Variants in GLCCI1 observed in about 807,000 individuals in gnomAD.
GLCCI1 encodes glucocorticoid-induced transcript 1 protein.
A neutral mutation model predicts 52.2 loss-of-function variants in GLCCI1; 24 were observed. The ratio of observed to expected loss-of-function variants is 0.46; its 90% confidence interval spans 0.33 to 0.65. GLCCI1 has a LOEUF of 0.65. Among genes scored for constraint, GLCCI1 ranks in the 30% least tolerant of loss-of-function variants. The probability of loss-of-function intolerance (pLI) is 0.02; values close to 1 mark genes in which losing one functional copy is unlikely to be tolerated. For missense variants in GLCCI1, 704 were observed against 701.5 expected (o/e 1.00, Z -0.04); for synonymous variants, 310 against 276.5 (o/e 1.12, Z -1.20).
intron 1 of GLCCI1, among the ~76,000 whole-genome samples, chr7:7,976,507 A>G (rs1780474894): frequency 6.8e-6 from 1 of 146,090 alleles, no homozygotes; most frequent in East Asian, 2.0e-4. Context: ...AAGGAAAGGA[A>G]AAAGGAAAGG....
chr7:8,036,614 A>G (rs913982694), intron 3 of GLCCI1, among the ~76,000 whole-genome samples: 14 of 152,330 alleles, frequency 9.2e-5, no homozygotes, highest in East Asian at 3.9e-4. Flanking sequence ...CTAAAGTTCA[A>G]TGATACCCAA....
At chr7:7,992,594 G>T (rs927162360) in intron 1 of GLCCI1, among the ~76,000 whole-genome samples, 2 of 151,888 alleles carry the variant, frequency 1.3e-5, no homozygotes, top group African/African-American at 4.8e-5. Context: ...TGTCCTTTCC[G>T]TATGTCCTTT....
At chr7:7,976,997 A>G (rs1390313525) in intron 1 of GLCCI1, among the ~76,000 whole-genome samples, 2 of 152,150 alleles carry the variant, frequency 1.3e-5, no homozygotes, top group Non-Finnish European at 2.9e-5. Flanking sequence ...AACTGCTACA[A>G]CTTCCTGTCT....
chr7:8,062,446 C>T (rs1172453940), intron 5 of GLCCI1, among the ~76,000 whole-genome samples: 2 of 152,134 alleles, frequency 1.3e-5, no homozygotes, highest in South Asian at 2.1e-4. Context: ...TTTTGTTTAG[C>T]AGCATACTGT....
At chr7:8,079,121 TTAG>T (rs2127967850) in intron 6 of GLCCI1, among the ~76,000 whole-genome samples, 1 of 152,312 alleles carries the variant, frequency 6.6e-6, no homozygotes, top group South Asian at 2.1e-4. Context: ...TCCCTAAATG[TTAG>T]TAAAGTTTAC....
At chr7:8,074,901 C>G (rs1356665364) in intron 6 of GLCCI1, among the ~76,000 whole-genome samples, 2 of 151,998 alleles carry the variant, frequency 1.3e-5, no homozygotes, top group Non-Finnish European at 2.9e-5. Context: ...GAGATTTGTT[C>G]TGTGGTAGAG....
intron 5 of GLCCI1, among the ~76,000 whole-genome samples, chr7:8,063,546 T>C (rs924476814): frequency 6.6e-6 from 1 of 152,096 alleles, no homozygotes; most frequent in African/African-American, 2.4e-5. Context: ...TTTCATATGC[T>C]TGTTGGCCAC....
intron 3 of GLCCI1, among the ~76,000 whole-genome samples, chr7:8,050,327 G>A (rs1456197360): frequency 1.3e-5 from 2 of 152,104 alleles, no homozygotes; most frequent in Admixed American, 6.6e-5. Flanking sequence ...AGAAAAACAG[G>A]AAAACAACAG....
intron 3 of GLCCI1, among the ~76,000 whole-genome samples, chr7:8,042,465 G>A (rs1034366556): frequency 1.3e-5 from 2 of 152,172 alleles, no homozygotes; most frequent in African/African-American, 4.8e-5. Context: ...TTCAAGACTA[G>A]AGTGGAGGAA....
At chr7:7,974,786 G>T (rs1780428492) in intron 1 of GLCCI1, among the ~76,000 whole-genome samples, 2 of 152,098 alleles carry the variant, frequency 1.3e-5, no homozygotes. Flanking sequence ...TTTTAGTTTG[G>T]TCTTTTCTCC....
chr7:8,075,562 A>C (rs1782859648), intron 6 of GLCCI1, among the ~76,000 whole-genome samples: 1 of 152,218 alleles, frequency 6.6e-6, no homozygotes, highest in Non-Finnish European at 1.5e-5. Flanking sequence ...TTAGTTTCTT[A>C]AGCAGCTCTG....
intron 1 of GLCCI1, among the ~76,000 whole-genome samples, chr7:7,993,685 T>C (rs1189720175): frequency 6.6e-6 from 1 of 152,212 alleles, no homozygotes; most frequent in Non-Finnish European, 1.5e-5. Context: ...TTTTTTATGC[T>C]TTCTCCCAAC....
Position 7,969,173 on chromosome 7 carries a change from A to T in GLCCI1, c.-178A>T, listed in dbSNP as rs1780278728. ...GCAGCCTTCCCCTCCCCCCTCGCCG[A>T]GGCGGCGGGGGTGTGCGTTGGGGAG... is the stretch of plus-strand genomic sequence containing the variant. On this transcript the variant is annotated 5_prime_UTR_variant, in exon 1 of 8. Coordinates refer to ENST00000223145, the MANE Select transcript of GLCCI1 (RefSeq NM_138426.4). This position sits in a 1 kb window ranked among gnomAD's most constrained non-coding sequence, Gnocchi z 4.9. The T allele has an allele frequency of 2.0e-6, 1 of 506,718 alleles. No individual in the cohort carries two copies. The highest frequency in any genetic ancestry group is 2.7e-6 in the Non-Finnish European group (1 of 369,822). The allele number at this position is 506,718 out of a possible 1,614,324, so 31.4% of individuals were successfully genotyped here.
chr7:7,969,806 A>G lies in GLCCI1; in HGVS notation c.456A>G (p.Arg152=). The G allele has an allele frequency of 6.8e-7, 1 of 1,467,360 alleles. No individual in the cohort carries two copies. Among genetic ancestry groups the G allele is most frequent in the Non-Finnish European group, 9.0e-7 (1 of 1,111,164 alleles). 90.9% of individuals were successfully genotyped at this position (1,467,360 alleles called of 1,614,324 possible). A position where few individuals can be genotyped will look rare whatever the true frequency, so the allele number is the denominator to read the frequency against. The change falls in exon 1 of 8, where the codon AGA becomes AGG. Residue 152 remains arginine (R), a splice_region_variant and synonymous_variant. Coordinates refer to ENST00000223145, the MANE Select transcript of GLCCI1 (RefSeq NM_138426.4). This position sits in a 1 kb window ranked among gnomAD's most constrained non-coding sequence, Gnocchi z 4.9. ...ERRSPGSPVC[R]ADKAKSQQVR... ...GGAGCCCCGGCTCGCCCGTGTGCAGAGGTAGCGAGCCCAACCCTCCCGTCC... is the reference window on the plus strand; with the variant it reads ...GGAGCCCCGGCTCGCCCGTGTGCAGGGGTAGCGAGCCCAACCCTCCCGTCC...
intron 5 of GLCCI1, among the ~76,000 whole-genome samples, chr7:8,062,881 T>G (rs1273301738): frequency 6.6e-6 from 1 of 152,220 alleles, no homozygotes; most frequent in Non-Finnish European, 1.5e-5. Flanking sequence ...GATGGGCATT[T>G]AGGTTGATTC....
At chr7:8,060,384 T>C (rs1782486678) in intron 5 of GLCCI1, 136 bp downstream of exon 5, 3 of 662,330 alleles carry the variant, frequency 4.5e-6, no homozygotes, top group South Asian at 4.2e-5. Context: ...TACAATTCAG[T>C]GGTTTTTAAC....
At chr7:7,991,110 A>G (rs943029941) in intron 1 of GLCCI1, among the ~76,000 whole-genome samples, 5 of 152,126 alleles carry the variant, frequency 3.3e-5, no homozygotes, top group African/African-American at 9.6e-5. Context: ...CTCAGGTTAA[A>G]TAGTTACTCT....
At chr7:8,063,107 C>T (rs929870597) in intron 5 of GLCCI1, among the ~76,000 whole-genome samples, 1 of 152,100 alleles carries the variant, frequency 6.6e-6, no homozygotes, top group African/African-American at 2.4e-5. Context: ...TCCCTTTTCT[C>T]CACAAACTTG....
intron 6 of GLCCI1, among the ~76,000 whole-genome samples, chr7:8,078,005 C>T (rs974670064): frequency 3.0e-4 from 46 of 152,066 alleles, no homozygotes; most frequent in East Asian, 1.9e-4. Flanking sequence ...GAGGCCAAGG[C>T]AGGCGGATAA....
Sources: gnomAD v4.1 joint callset for allele counts (sites outside exome capture counted in the v4.1 genomes callset) on GRCh38, gnomAD v4.1.1 for gene constraint, Gnocchi (gnomAD v3.1) non-coding constraint, MANE v1.5 for transcripts, NCBI Gene and HGNC (gene_info 2026-07-23, HGNC 2026-07-21) for gene names.